SWT1: variants seen among roughly 807,000 people sequenced by gnomAD.
SWT1 encodes the protein transcriptional protein SWT1.
SWT1 carries 33 observed loss-of-function variants against 107.3 expected under a neutral mutation model. That is an observed-to-expected ratio of 0.31 (90% CI 0.23 to 0.41). The LOEUF (loss-of-function observed/expected upper bound fraction) is 0.41, where lower values mean the gene tolerates loss of function less well. SWT1 is among the 10% of genes least tolerant of loss of function. SWT1 has a pLI of 1.00. For missense variants in SWT1, 898 were observed against 1,028.9 expected, an observed-to-expected ratio of 0.87 and a Z score of 1.74; for synonymous variants, 345 against 348.3, an observed-to-expected ratio of 0.99 and a Z score of 0.11.
intron 16 of SWT1, among the ~76,000 whole-genome samples, chr1:185,261,107 C>T (rs1327407679): frequency 2.0e-5 from 3 of 152,084 alleles, no homozygotes; most frequent in Non-Finnish European, 2.9e-5. Flanking sequence ...GCTGCTGTCA[C>T]CACTATCTAT....
At chr1:185,222,870 A>G (rs1659774697) in intron 15 of SWT1, among the ~76,000 whole-genome samples, 1 of 152,052 alleles carries the variant, frequency 6.6e-6, no homozygotes, top group Non-Finnish European at 1.5e-5. Context: ...ATAGAACACC[A>G]GAACTTATTC....
At chr1:185,186,713 T>C (rs1571446798) in intron 9 of SWT1, among the ~76,000 whole-genome samples, 3 of 152,232 alleles carry the variant, frequency 2.0e-5, no homozygotes, top group Admixed American at 2.0e-4. Flanking sequence ...TTATCAGTTA[T>C]TTTAATTTTC....
At position 185,204,705 on chromosome 1, in the gene SWT1, A is replaced by G. The variant is rs1380486055; in HGVS notation, c.1675A>G (p.Thr559Ala). The change falls in exon 12 of 19, where the codon ACA becomes GCA. Residue 559 changes from threonine to alanine, a missense_variant. By Grantham distance (58) the Thr-to-Ala change is moderately conservative. Around this residue, in one of 6 missense-constraint regions of SWT1, gnomAD observed 382 missense variants for 460.0 expected, o/e 0.83. Transcript: ENST00000367500. ...TGTAACTATTTGTTTTAAAGAAACA[A>G]CACCCTTGAAAGAGAGCTATAAGGA... The part of the protein sequence containing the change: ...IPKQQLKAET[T>A]PLKESYKEES... The G allele has an allele frequency of 5.8e-6, 9 of 1,564,808 alleles. No individual in the cohort carries two copies. The highest frequency in any genetic ancestry group is 1.2e-5 in the South Asian group (1 of 81,064).
At chr1:185,160,332 GA>G (rs1227125424) in intron 1 of SWT1, among the ~76,000 whole-genome samples, 1 of 152,108 alleles carries the variant, frequency 6.6e-6, no homozygotes, top group Non-Finnish European at 1.5e-5. Context: ...TGAAGGAGAG[GA>G]GTGGGTAATT....
intron 16 of SWT1, among the ~76,000 whole-genome samples, chr1:185,252,776 C>G (rs1662141772): frequency 6.6e-6 from 1 of 152,056 alleles, no homozygotes; most frequent in Non-Finnish European, 1.5e-5. Flanking sequence ...TACAGAAGCT[C>G]TTGAGTTTAA....
At chr1:185,262,156 A>C (rs545433943) in intron 16 of SWT1, 1 of 152,328 alleles carries the variant, frequency 6.6e-6, no homozygotes, top group South Asian at 2.1e-4. Flanking sequence ...GAACATTCAT[A>C]AAGTATTTGG....
At chr1:185,279,257 A>G (rs1190182500) in intron 18 of SWT1, among the ~76,000 whole-genome samples, 3 of 152,216 alleles carry the variant, frequency 2.0e-5, no homozygotes, top group Admixed American at 1.3e-4. Flanking sequence ...AGCTTATTGT[A>G]GATACATGGA....
At position 185,290,016 on chromosome 1, in the gene SWT1, A is replaced by G. The variant is rs1228713132; in HGVS notation, c.2574-658A>G. Among the ~76,000 whole-genome samples the G allele has an allele frequency of 5.9e-5, 9 of 152,224 alleles. No individual in the cohort carries two copies. The South Asian group carries it at 1.2e-3, about 21-fold the overall frequency. On this transcript the variant is annotated intron_variant, in intron 18 of 18. Coordinates refer to ENST00000367500, the MANE Select transcript of SWT1 (RefSeq NM_017673.7). ...GCACTGGCTCATGCCTGCAATCCCAACACTTTTGGAGGCTAACATGGGAGA... is the reference window on the plus strand; with the variant it reads ...GCACTGGCTCATGCCTGCAATCCCAGCACTTTTGGAGGCTAACATGGGAGA...
chr1:185,270,461 G>A (rs1663772646), intron 16 of SWT1, among the ~76,000 whole-genome samples: 1 of 152,046 alleles, frequency 6.6e-6, no homozygotes, highest in African/African-American at 2.4e-5. Flanking sequence ...CAGAACTTTG[G>A]GAGCCTGAAG....
rs142313441 is a variant in SWT1 at position 185,236,867 on chromosome 1, A to G, written c.2441+5159A>G. On this transcript the variant is annotated intron_variant, in intron 16 of 18. Transcript: ENST00000367500. ...TACAAAGAACTTAAATAGATTTACA[A>G]GAAAAAAACAACCCCATCAAAAAGT... 5.6e-3 allele frequency among the ~76,000 whole-genome samples: 848 copies of G among 151,686 alleles called. 33 individuals are homozygous for G. In the East Asian group the frequency reaches 0.094, roughly 17 times the overall value.
intron 18 of SWT1, among the ~76,000 whole-genome samples, chr1:185,277,244 T>C (rs1221405962): frequency 6.6e-6 from 1 of 151,806 alleles, no homozygotes; most frequent in African/African-American, 2.4e-5. Context: ...AATCACATCT[T>C]AGTCTTTATT....
chr1:185,240,745 A>G lies in SWT1; in HGVS notation c.2441+9037A>G, dbSNP rs932642177. The stretch of plus-strand genomic sequence containing the variant: ...CACATTCTTGTGGCTTTAGTTTGGA[A>G]TACTTTAGACAGCTATTTTTCTAAA... On this transcript the variant is annotated intron_variant, in intron 16 of 18. Coordinates refer to ENST00000367500, the MANE Select transcript of SWT1 (RefSeq NM_017673.7). Among the ~76,000 whole-genome samples the G allele has an allele frequency of 2.0e-5, 3 of 152,230 alleles. No individual in the cohort carries two copies. In the East Asian group the frequency reaches 5.8e-4, roughly 29 times the overall value.
intron 18 of SWT1, among the ~76,000 whole-genome samples, chr1:185,278,791 A>T (rs775733709): frequency 7.2e-5 from 11 of 152,222 alleles, no homozygotes; most frequent in African/African-American, 2.7e-4. Context: ...ACACATTTTT[A>T]AAAAGGTAGG....
At chr1:185,194,527 G>A (rs571392834) in intron 10 of SWT1, among the ~76,000 whole-genome samples, 1 of 151,592 alleles carries the variant, frequency 6.6e-6, no homozygotes, top group East Asian at 1.9e-4. Flanking sequence ...GGTACCATAA[G>A]GATATTGCTG....
At chr1:185,239,584 A>G (rs905455683) in intron 16 of SWT1, among the ~76,000 whole-genome samples, 4 of 152,202 alleles carry the variant, frequency 2.6e-5, no homozygotes, top group South Asian at 2.1e-4. Context: ...CTTATTTGCT[A>G]TTCATTTAGA....
chr1:185,190,088 T>C (rs868101021), intron 9 of SWT1, among the ~76,000 whole-genome samples: 25 of 152,188 alleles, frequency 1.6e-4, no homozygotes, highest in Non-Finnish European at 3.2e-4. Context: ...CCTCAAGTGA[T>C]CTGCACACCT....
chr1:185,228,200 T>TATATATATAC (rs1235462995), intron 15 of SWT1, among the ~76,000 whole-genome samples: 1 of 144,958 alleles, frequency 6.9e-6, no homozygotes, highest in East Asian at 2.0e-4. Context: ...CATATATATA[T>TATATATATAC]ACTCAGTATG....
At chr1:185,212,061 T>TG (rs1558044120) in intron 13 of SWT1, among the ~76,000 whole-genome samples, 1 of 141,734 alleles carries the variant, frequency 7.1e-6, no homozygotes, top group East Asian at 2.1e-4. Flanking sequence ...TGTTGTGGGG[T>TG]GGGGGGAGTG....
At chr1:185,161,079 C>A (rs1231232004) in intron 2 of SWT1, among the ~76,000 whole-genome samples, 154 bp downstream of exon 2, 1 of 152,176 alleles carries the variant, frequency 6.6e-6, no homozygotes, top group East Asian at 1.9e-4. Flanking sequence ...TTTTTACTTG[C>A]ATTGTTTTAT....
Sources: allele counts gnomAD v4.1 joint callset (sites outside exome capture counted in the v4.1 genomes callset), GRCh38; gene constraint gnomAD v4.1.1; regional missense constraint gnomAD v4.1.1; transcripts MANE v1.5; gene names NCBI Gene and HGNC (gene_info 2026-07-23, HGNC 2026-07-21).